The following ABHD17B variants were observed in gnomAD, a reference collection of about 807,000 sequenced individuals.
The protein encoded by ABHD17B is abhydrolase domain containing 17B, depalmitoylase, also known as alpha/beta hydrolase domain-containing protein 17B.
ABHD17B carries 9 observed loss-of-function variants against 26.2 expected under a neutral mutation model. That is an observed-to-expected ratio of 0.34 (90% CI 0.21 to 0.60). The LOEUF (loss-of-function observed/expected upper bound fraction) is 0.60, where lower values mean the gene tolerates loss of function less well. ABHD17B is among the 20% of genes least tolerant of loss of function. The pLI is 0.80. For synonymous variants in ABHD17B, 127 were observed against 122.3 expected (o/e 1.04, Z -0.25); for missense variants, 224 against 352.1 (o/e 0.64, Z 2.91).
At chr9:71,887,127 T>C (rs1166300600) in intron 1 of ABHD17B, among the ~76,000 whole-genome samples, 1 of 151,534 alleles carries the variant, frequency 6.6e-6, no homozygotes, top group Non-Finnish European at 1.5e-5. Flanking sequence ...GTTTCTCAAA[T>C]GGAAAAAAAA....
chr9:71,871,287 C>T (rs1826104720), intron 2 of ABHD17B, among the ~76,000 whole-genome samples: 1 of 152,154 alleles, frequency 6.6e-6, no homozygotes, highest in East Asian at 1.9e-4. Flanking sequence ...CTTCCAGGGG[C>T]ATAATACTAT....
At chr9:71,900,757 C>A (rs573966450) in intron 1 of ABHD17B, among the ~76,000 whole-genome samples, 1 of 152,244 alleles carries the variant, frequency 6.6e-6, no homozygotes, top group East Asian at 1.9e-4. Flanking sequence ...TACTATCCCC[C>A]CCTCATCACT....
chr9:71,872,760 A>G (rs952019985), intron 2 of ABHD17B, among the ~76,000 whole-genome samples: 10 of 152,088 alleles, frequency 6.6e-5, no homozygotes, highest in Non-Finnish European at 1.5e-5. Flanking sequence ...GCTTGATGGA[A>G]CTGATATCAA....
chr9:71,904,199 G>A (rs1278160018), intron 1 of ABHD17B, among the ~76,000 whole-genome samples: 2 of 152,024 alleles, frequency 1.3e-5, no homozygotes, highest in African/African-American at 4.8e-5. Flanking sequence ...TATATTATTT[G>A]TTGTGCATAT....
chr9:71,866,550 TA>T lies in ABHD17B; in HGVS notation c.*236del, dbSNP rs143605788. The T allele has an allele frequency of 7.7e-4, 1,010 of 1,306,896 alleles. 2 individuals carry two copies. Among genetic ancestry groups the T allele is most frequent in the African/African-American group, 4.7e-3 (315 of 67,432 alleles). 81.0% of individuals were successfully genotyped at this position (1,306,896 alleles called of 1,614,324 possible). Reference sequence around the variant, plus strand: ...TCTCATACAGTACTCATCTTGATGTTAAAAAAAAATTCACAGAAAAAATATA... The same window carrying T: ...TCTCATACAGTACTCATCTTGATGTTAAAAAAAATTCACAGAAAAAATATA... On this transcript the variant is annotated 3_prime_UTR_variant, in exon 4 of 4. Transcript: ENST00000333421.
chr9:71,908,376 G>A (rs1302097370), intron 1 of ABHD17B, among the ~76,000 whole-genome samples: 1 of 117,574 alleles, frequency 8.5e-6, no homozygotes, highest in Non-Finnish European at 1.6e-5. Context: ...TGGGCAACAA[G>A]AGCAAAACTC....
chr9:71,901,152 A>AAAAT (rs781777263), intron 1 of ABHD17B, among the ~76,000 whole-genome samples: 15 of 151,974 alleles, frequency 9.9e-5, no homozygotes, highest in East Asian at 5.8e-4. Context: ...ACTCTGTCTC[A>AAAAT]AAATAAATAA....
chr9:71,884,201 AGT>A (rs1826538511), intron 1 of ABHD17B, among the ~76,000 whole-genome samples: 1 of 152,222 alleles, frequency 6.6e-6, no homozygotes, highest in Non-Finnish European at 1.5e-5. Context: ...AGTATTATCA[AGT>A]GCTGGTGAGA....
chr9:71,862,533 T>A, downstream of ABHD17B: 1 of 1,571,062 alleles, frequency 6.4e-7, no homozygotes, highest in Non-Finnish European at 8.7e-7. Flanking sequence ...AAAGAGAAGA[T>A]AATGGAATAC....
At chr9:71,908,830 G>T (rs1827361539) in intron 1 of ABHD17B, among the ~76,000 whole-genome samples, 1 of 152,096 alleles carries the variant, frequency 6.6e-6, no homozygotes, top group Admixed American at 6.5e-5. Flanking sequence ...TGCTTACATG[G>T]TTCTCACTCC....
intron 1 of ABHD17B, among the ~76,000 whole-genome samples, chr9:71,905,344 T>C (rs904898979): frequency 1.3e-5 from 2 of 152,028 alleles, no homozygotes; most frequent in African/African-American, 4.8e-5. Context: ...GGCTGGAAGA[T>C]ATTTTTAATG....
At chr9:71,878,376 T>C (rs930361346) in intron 1 of ABHD17B, among the ~76,000 whole-genome samples, 1 of 152,064 alleles carries the variant, frequency 6.6e-6, no homozygotes, top group Admixed American at 6.5e-5. Context: ...AATATCACTA[T>C]CCATACTATA....
downstream of ABHD17B, among the ~76,000 whole-genome samples, chr9:71,863,280 G>A (rs1457210377): frequency 1.3e-5 from 2 of 152,182 alleles, no homozygotes; most frequent in Admixed American, 6.5e-5. Context: ...GAGCCATTAC[G>A]TGTGAGTAGG....
At chr9:71,877,209 C>G (rs1381254974) in intron 1 of ABHD17B, among the ~76,000 whole-genome samples, 2 of 152,106 alleles carry the variant, frequency 1.3e-5, no homozygotes, top group Non-Finnish European at 2.9e-5. Flanking sequence ...AGGATCTGTT[C>G]CAGAGGAGGA....
At chr9:71,910,471 T>C (rs1405161883) in intron 1 of ABHD17B, among the ~76,000 whole-genome samples, 163 bp downstream of exon 1, 1 of 152,044 alleles carries the variant, frequency 6.6e-6, no homozygotes, top group Non-Finnish European at 1.5e-5. Flanking sequence ...TTCCCCGCCT[T>C]TCCCCTGTGC....
intron 1 of ABHD17B, among the ~76,000 whole-genome samples, chr9:71,884,909 G>A (rs1826560006): frequency 6.6e-6 from 1 of 152,110 alleles, no homozygotes; most frequent in East Asian, 1.9e-4. Flanking sequence ...AAATTTACAT[G>A]TCAAGAAAAA....
intron 1 of ABHD17B, among the ~76,000 whole-genome samples, chr9:71,891,544 G>A (rs1303625347): frequency 3.3e-5 from 5 of 152,142 alleles, no homozygotes; most frequent in Admixed American, 2.0e-4. Context: ...CTGTTGGAAT[G>A]CTTCTTTCTT....
At chr9:71,862,688 G>A (rs1245244835), downstream of ABHD17B, 1 of 586,638 alleles carries the variant, frequency 1.7e-6, no homozygotes, top group South Asian at 1.8e-5. Flanking sequence ...AACTGTTTAT[G>A]AAAAATCACT....
At position 71,874,829 on chromosome 9, in the gene ABHD17B, T is replaced by C. The variant is rs1339081798; in HGVS notation, c.252A>G (p.Val84=). ...SKGNRIACMF[V]RCSPNAKYTL... is the part of the protein sequence containing the mutation. ...TGTATTTCGCATTGGGTGAACAACG[T>C]ACAAACATACAAGCAATTCTGTTGC... The change falls in exon 2 of 4, where the codon GTA becomes GTG. Residue 84 remains valine, a synonymous_variant. Transcript: ENST00000333421. 2.5e-6 allele frequency: 4 copies of C among 1,614,208 alleles called. No homozygotes were observed. Among genetic ancestry groups the C allele is most frequent in the Non-Finnish European group, 3.4e-6 (4 of 1,180,030 alleles).
Sources: allele counts gnomAD v4.1 joint callset (sites outside exome capture counted in the v4.1 genomes callset), GRCh38; gene constraint gnomAD v4.1.1; transcripts MANE v1.5; gene names NCBI Gene and HGNC (gene_info 2026-07-23, HGNC 2026-07-21).